Variants in MYO16 observed in about 807,000 individuals in gnomAD.
MYO16 encodes the protein unconventional myosin-XVI.
A neutral mutation model predicts 205.3 loss-of-function variants in MYO16; 94 were observed. The observed-to-expected ratio is 0.46, with a 90% CI of 0.39 to 0.54. The LOEUF is 0.54. Ranked by LOEUF, MYO16 falls within the 20% of genes least tolerant of loss-of-function variation. MYO16 has a pLI of 0.00. For synonymous variants in MYO16, 988 were observed against 954.0 expected (o/e 1.04, Z -0.66); for missense variants, 2,315 against 2,387.5 (o/e 0.97, Z 0.63).
chr13:108,889,771 T>A (rs1219100054), intron 14 of MYO16, among the ~76,000 whole-genome samples: 5 of 152,208 alleles, frequency 3.3e-5, no homozygotes, highest in Admixed American at 6.5e-5. Context: ...CTCAGTGCCA[T>A]GGGTACACCA....
At chr13:108,628,013 T>C (rs1166434070), upstream of MYO16, among the ~76,000 whole-genome samples, 2 of 152,234 alleles carry the variant, frequency 1.3e-5, no homozygotes, top group African/African-American at 2.4e-5. Context: ...AGTTATTTTA[T>C]GCACATGTAA....
At chr13:108,792,872 G>GA (rs1311172941) in intron 5 of MYO16, among the ~76,000 whole-genome samples, 2 of 151,722 alleles carry the variant, frequency 1.3e-5, no homozygotes, top group Non-Finnish European at 2.9e-5. Flanking sequence ...ATTTTGGCCA[G>GA]AAAAATCAAA....
intron 11 of MYO16, among the ~76,000 whole-genome samples, chr13:108,863,095 T>C (rs547974553): frequency 6.6e-6 from 1 of 152,310 alleles, no homozygotes; most frequent in Admixed American, 6.5e-5. Flanking sequence ...TATATGTCAG[T>C]ATTAATTTAC....
At chr13:109,164,010 C>A (rs758300623) in intron 32 of MYO16, 6 of 152,204 alleles carry the variant, frequency 3.9e-5, no homozygotes, top group Non-Finnish European at 7.3e-5. Flanking sequence ...TCACGCATAT[C>A]CTTGATGCTG....
intron 24 of MYO16, among the ~76,000 whole-genome samples, chr13:109,050,293 G>A (rs756150347): frequency 3.3e-5 from 5 of 151,350 alleles, no homozygotes; most frequent in Admixed American, 1.3e-4. Context: ...CAGTTAATTC[G>A]TAGAAATCGC....
intron 2 of MYO16, 88 bp downstream of exon 2, chr13:108,666,237 G>A: frequency 7.2e-7 from 1 of 1,395,884 alleles, no homozygotes; most frequent in Non-Finnish European, 9.5e-7. Flanking sequence ...ATGGAGAGAT[G>A]GGGCAGAAAA....
At chr13:108,740,835 A>T (rs1594255632) in intron 4 of MYO16, among the ~76,000 whole-genome samples, 1 of 138,620 alleles carries the variant, frequency 7.2e-6, no homozygotes, top group South Asian at 2.7e-4. Flanking sequence ...CAGCAATGGC[A>T]GGCACCCCTC....
chr13:108,638,885 T>C (rs1880378320), intron 1 of MYO16, among the ~76,000 whole-genome samples: 2 of 152,002 alleles, frequency 1.3e-5, no homozygotes, highest in African/African-American at 4.8e-5. Flanking sequence ...CTCATCAGAG[T>C]AGGCAGAAGG....
At chr13:108,813,207 G>A (rs905647251) in intron 7 of MYO16, among the ~76,000 whole-genome samples, 6 of 152,120 alleles carry the variant, frequency 3.9e-5, no homozygotes, top group Non-Finnish European at 8.8e-5. Context: ...TGGTATGAGG[G>A]CAGAACTGTT....
intron 32 of MYO16, among the ~76,000 whole-genome samples, chr13:109,154,126 A>G (rs1877852335): frequency 6.6e-6 from 1 of 152,200 alleles, no homozygotes; most frequent in South Asian, 2.1e-4. Context: ...CTCCATAGAT[A>G]TTTTAAATTT....
At chr13:108,521,908 A>T in the MYO16 span, among the ~76,000 whole-genome samples, 18 of 152,240 alleles carry the variant, frequency 1.2e-4, no homozygotes, top group Admixed American at 6.5e-4. Flanking sequence ...ATCTGCAATG[A>T]TATAAATATG....
intron 28 of MYO16, among the ~76,000 whole-genome samples, 172 bp downstream of exon 28, chr13:109,101,059 C>T (rs534729947): frequency 6.6e-6 from 1 of 152,190 alleles, no homozygotes; most frequent in South Asian, 2.1e-4. Context: ...TATGACTTAC[C>T]GATTTTAACA....
chr13:108,753,011 G>C (rs925571118), intron 4 of MYO16, among the ~76,000 whole-genome samples: 3 of 151,918 alleles, frequency 2.0e-5, no homozygotes, highest in African/African-American at 7.2e-5. Context: ...GTTGATGTAA[G>C]AGATAGGATA....
chr13:108,576,652 G>C, the MYO16 span, among the ~76,000 whole-genome samples: 1 of 152,156 alleles, frequency 6.6e-6, no homozygotes, highest in African/African-American at 2.4e-5. Flanking sequence ...GAATATAAAA[G>C]TTATTGTCCT....
At chr13:109,056,663 C>A (rs1232179566) in intron 27 of MYO16, among the ~76,000 whole-genome samples, 1 of 151,984 alleles carries the variant, frequency 6.6e-6, no homozygotes, top group African/African-American at 2.4e-5. Context: ...TGGAATATTA[C>A]AAAGTGTTAC....
chr13:109,052,355 A>G lies in MYO16; in HGVS notation c.2928A>G (p.Gly976=). Residue 976 remains glycine, a synonymous_variant, in exon 25 of 35, where the codon GGA becomes GGG. Coordinates refer to ENST00000457511, the MANE Select transcript of MYO16 (RefSeq NM_001198950.3). ...HLFQSKLSQT[G]SLVSAYPSFK... is the part of the protein sequence containing the mutation. ...TCCAGTCGAAATTGTCACAAACAGGATCCCTCGTATCTGCCTATCCTTCCT... is the reference window on the plus strand; with the variant it reads ...TCCAGTCGAAATTGTCACAAACAGGGTCCCTCGTATCTGCCTATCCTTCCT... 5.0e-6 allele frequency: 8 copies of G among 1,613,222 alleles called. No individual in the cohort carries two copies. Among genetic ancestry groups the G allele is most frequent in the Non-Finnish European group, 6.8e-6 (8 of 1,179,322 alleles).
intron 7 of MYO16, among the ~76,000 whole-genome samples, chr13:108,816,427 C>T (rs1260492275): frequency 6.6e-6 from 1 of 152,046 alleles, no homozygotes; most frequent in Non-Finnish European, 1.5e-5. Flanking sequence ...CCACCCACCC[C>T]AAGTAAGAGT....
intron 4 of MYO16, among the ~76,000 whole-genome samples, chr13:108,745,201 G>A (rs970099137): frequency 5.9e-5 from 9 of 152,276 alleles, no homozygotes; most frequent in Middle Eastern, 3.4e-3. Flanking sequence ...GGTCTGGAGC[G>A]GAAGCACAGG....
chr13:109,022,880 TTTA>T (rs1356409367), intron 23 of MYO16, among the ~76,000 whole-genome samples: 2 of 130,896 alleles, frequency 1.5e-5, no homozygotes, highest in Admixed American at 8.3e-5. Context: ...CATGTATATA[TTTA>T]TTATATATAC....
Sources: gnomAD v4.1 joint callset for allele counts (sites outside exome capture counted in the v4.1 genomes callset) on GRCh38, gnomAD v4.1.1 for gene constraint, MANE v1.5 for transcripts, NCBI Gene and HGNC (gene_info 2026-07-23, HGNC 2026-07-21) for gene names.